The following ANO10 variants were observed in gnomAD, a reference collection of about 807,000 sequenced individuals.
ANO10 encodes the protein anoctamin 10, also known as anoctamin-10.
In ANO10, 77 loss-of-function variants were observed where a neutral mutation model predicts 74.7. The ratio of observed to expected loss-of-function variants is 1.03; its 90% CI spans 0.86 to 1.25. ANO10 has a LOEUF of 1.25. Ranked by LOEUF, ANO10 falls within the 50% of genes most tolerant of loss-of-function variation. The probability of loss-of-function intolerance (pLI) is 0.00; values close to 1 mark genes in which losing one functional copy is unlikely to be tolerated. For synonymous variants in ANO10, 279 were observed against 284.9 expected (o/e 0.98, Z 0.21); for missense variants, 721 against 778.1 (o/e 0.93, Z 0.87).
rs1205923618 is a variant in ANO10 at position 43,466,388 on chromosome 3, C to CA, written c.1798-33662dup. Among the ~76,000 whole-genome samples, 47 of 87,454 alleles carry CA rather than the reference C, an allele frequency of 5.4e-4. 1 individual carries two copies. The highest frequency in any genetic ancestry group is 1.7e-3 in the African/African-American group (43 of 25,824). 57.4% of individuals were successfully genotyped at this position (87,454 alleles called of 152,430 possible). A position where few individuals can be genotyped will look rare whatever the true frequency, so the allele number is the denominator to read the frequency against. On this transcript the variant is annotated intron_variant, in intron 11 of 12. Transcript: ENST00000292246. ...CCATCTCAAAAAAAAAAAAAAAAAA[C>CA]AAACAAAAAAACCAGTAATCAACAC...
chr3:43,567,200 C>T (rs2080410612), intron 7 of ANO10, among the ~76,000 whole-genome samples: 1 of 152,176 alleles, frequency 6.6e-6, no homozygotes, highest in South Asian at 2.1e-4. Context: ...ACCAAATCTA[C>T]ATCTGATTGG....
intron 11 of ANO10, among the ~76,000 whole-genome samples, chr3:43,461,928 G>C (rs2075395898): frequency 6.6e-6 from 1 of 152,122 alleles, no homozygotes; most frequent in African/African-American, 2.4e-5. Flanking sequence ...AGGAAAATGT[G>C]GGAAAGTTTG....
rs2076261070 is a variant in ANO10 at position 43,481,343 on chromosome 3, A to G, written c.1798-48616T>C. Among the ~76,000 whole-genome samples, 3 of 152,206 alleles carry G rather than the reference A, an allele frequency of 2.0e-5. No individual in the cohort carries two copies. In the South Asian group the frequency reaches 6.2e-4, roughly 31 times the overall value. ...TGGTCAACTGTAAGTGAAAAAAATG[A>G]GTAAAATGTAGTTTTTAAATTATGC... is the stretch of plus-strand genomic sequence containing the variant. On this transcript the variant is annotated intron_variant, in intron 11 of 12. Transcript: ENST00000292246.
intron 1 of ANO10, among the ~76,000 whole-genome samples, chr3:43,676,992 T>C (rs1235661365): frequency 6.6e-6 from 1 of 152,178 alleles, no homozygotes; most frequent in East Asian, 1.9e-4. Flanking sequence ...TCAATTTCTG[T>C]CATTGAAACT....
At chr3:43,372,998 C>T (rs574164540) in intron 12 of ANO10, among the ~76,000 whole-genome samples, 42 of 152,352 alleles carry the variant, frequency 2.8e-4, no homozygotes, top group Non-Finnish European at 5.0e-4. Flanking sequence ...CAGCATCACT[C>T]TCTGGCCCAC....
At chr3:43,537,510 G>T (rs1459839105) in intron 11 of ANO10, among the ~76,000 whole-genome samples, 1 of 151,698 alleles carries the variant, frequency 6.6e-6, no homozygotes, top group Non-Finnish European at 1.5e-5. Flanking sequence ...ACAGCTTGGG[G>T]GCAACCATAT....
At chr3:43,668,748 C>A (rs2084021433) in intron 1 of ANO10, among the ~76,000 whole-genome samples, 1 of 151,558 alleles carries the variant, frequency 6.6e-6, no homozygotes, top group Non-Finnish European at 1.5e-5. Context: ...AGTATTTGTC[C>A]TTATTTCTGG....
chr3:43,484,525 G>T (rs2076390321), intron 11 of ANO10, among the ~76,000 whole-genome samples: 1 of 152,046 alleles, frequency 6.6e-6, no homozygotes, highest in Non-Finnish European at 1.5e-5. Context: ...ATATTTTTGG[G>T]GTAAAATATT....
chr3:43,539,022 T>C (rs983746435), intron 11 of ANO10, among the ~76,000 whole-genome samples: 1 of 152,208 alleles, frequency 6.6e-6, no homozygotes, highest in African/African-American at 2.4e-5. Context: ...AAAATGTAAA[T>C]GGGCTATAAA....
At chr3:43,633,546 T>C (rs1001583089) in intron 1 of ANO10, among the ~76,000 whole-genome samples, 1 of 152,200 alleles carries the variant, frequency 6.6e-6, no homozygotes, top group Non-Finnish European at 1.5e-5. Flanking sequence ...GTAATAGAAT[T>C]CCTCTATGAA....
At chr3:43,491,719 G>A (rs927129226) in intron 11 of ANO10, among the ~76,000 whole-genome samples, 4 of 151,890 alleles carry the variant, frequency 2.6e-5, no homozygotes, top group Admixed American at 2.0e-4. Flanking sequence ...CTTCTGAAGA[G>A]GCAAGAACTG....
chr3:43,400,524 C>T (rs1305529323), intron 12 of ANO10, among the ~76,000 whole-genome samples: 1 of 152,060 alleles, frequency 6.6e-6, no homozygotes, highest in Non-Finnish European at 1.5e-5. Context: ...CCTATATTCC[C>T]AACACTTTGG....
At chr3:43,385,388 T>A (rs1009126763) in intron 12 of ANO10, among the ~76,000 whole-genome samples, 10 of 152,068 alleles carry the variant, frequency 6.6e-5, no homozygotes, top group Non-Finnish European at 1.3e-4. Context: ...TCCACCCCAA[T>A]CCAGCAATCC....
chr3:43,387,751 T>G (rs1415333143), intron 12 of ANO10, among the ~76,000 whole-genome samples: 1 of 151,990 alleles, frequency 6.6e-6, no homozygotes, highest in Non-Finnish European at 1.5e-5. Flanking sequence ...GTGGGGGAGC[T>G]CCTCTGCTGA....
At chr3:43,609,141 TGAA>T (rs10587245) in intron 1 of ANO10, among the ~76,000 whole-genome samples, 86,862 of 151,732 alleles carry the variant, frequency 0.57, 26,028 homozygotes, top group East Asian at 0.89. Flanking sequence ...GAAAATTGAA[TGAA>T]GAAGTTACTT....
intron 12 of ANO10, among the ~76,000 whole-genome samples, chr3:43,386,997 G>A (rs367677179): frequency 2.6e-5 from 4 of 152,132 alleles, no homozygotes; most frequent in African/African-American, 4.8e-5. Flanking sequence ...TCTAGGAACC[G>A]TCATACAGTC....
intron 11 of ANO10, chr3:43,484,921 C>A: frequency 1.4e-6 from 1 of 730,298 alleles, no homozygotes; most frequent in East Asian, 2.8e-5. Context: ...TTTTTTTTCA[C>A]CGGGGCGTTC....
At chr3:43,553,983 T>A (rs1213507459) in intron 10 of ANO10, among the ~76,000 whole-genome samples, 1 of 152,192 alleles carries the variant, frequency 6.6e-6, no homozygotes, top group Non-Finnish European at 1.5e-5. Flanking sequence ...ATATCTTCCA[T>A]CTCTTTGCTG....
chr3:43,577,265 T>C lies in ANO10; in HGVS notation c.593-4A>G, dbSNP rs1050015860. The C allele has an allele frequency of 3.7e-6, 6 of 1,613,128 alleles. No individual in the cohort carries two copies. Among genetic ancestry groups the C allele is most frequent in the South Asian group, 2.2e-5 (2 of 91,002 alleles). On this transcript the variant is annotated splice_region_variant and splice_polypyrimidine_tract_variant and intron_variant, in intron 5 of 12. Transcript: ENST00000292246. ...CCAAAGTAGCCACGAATACTGTCTA[T>C]AGTGGAAACAAAGAAAGAACATAAG... is the stretch of plus-strand genomic sequence containing the variant.
Sources: gnomAD v4.1 joint callset for allele counts (sites outside exome capture counted in the v4.1 genomes callset) on GRCh38, gnomAD v4.1.1 for gene constraint, MANE v1.5 for transcripts, NCBI Gene and HGNC (gene_info 2026-07-23, HGNC 2026-07-21) for gene names.